GRIK3: variants seen among roughly 807,000 people sequenced by gnomAD.
GRIK3 encodes glutamate ionotropic receptor kainate type subunit 3, also known as glutamate receptor ionotropic, kainate 3.
GRIK3 carries 29 observed loss-of-function variants against 102.5 expected under a neutral mutation model. The observed-to-expected ratio is 0.28, with a 90% CI of 0.21 to 0.39. GRIK3 has a LOEUF of 0.39. Ranked by LOEUF, GRIK3 falls within the 10% of genes least tolerant of loss-of-function variation. GRIK3 has a pLI of 1.00. For synonymous variants in GRIK3, 511 were observed against 504.9 expected, an observed-to-expected ratio of 1.01 and a Z score of -0.16; for missense variants, 908 against 1,252.4, an observed-to-expected ratio of 0.73 and a Z score of 4.15.
intron 1 of GRIK3, among the ~76,000 whole-genome samples, chr1:36,895,433 G>GA (rs60805545): frequency 0.034 from 5,003 of 146,610 alleles, 217 homozygotes; most frequent in East Asian, 0.11. Context: ...GGAATTCTAA[G>GA]AAAAAAAAAA....
rs1049097741 is a variant in GRIK3, at chr1:36,904,788, G to T, written c.116-13692C>A. Among the ~76,000 whole-genome samples the T allele has an allele frequency of 2.0e-5, 3 of 152,106 alleles. No homozygotes were observed. The East Asian group carries it at 5.8e-4, about 29-fold the overall frequency. Reference sequence around the variant, plus strand: ...AGTGGGTACAGATGGGGCAGAAGAGGCCATGGGTTTTGCTGGGGCCAGATG... The same window carrying T: ...AGTGGGTACAGATGGGGCAGAAGAGTCCATGGGTTTTGCTGGGGCCAGATG... On this transcript the variant is annotated intron_variant, in intron 1 of 15. Coordinates refer to ENST00000373091, the MANE Select transcript of GRIK3 (RefSeq NM_000831.4).
chr1:36,915,485 G>C (rs1467794810), intron 1 of GRIK3, among the ~76,000 whole-genome samples: 2 of 152,200 alleles, frequency 1.3e-5, no homozygotes, highest in East Asian at 3.8e-4. Context: ...TCCGGGGTGG[G>C]AACAAGTGGA....
At chr1:36,912,384 T>C (rs1420868449) in intron 1 of GRIK3, among the ~76,000 whole-genome samples, 1 of 152,024 alleles carries the variant, frequency 6.6e-6, no homozygotes, top group Non-Finnish European at 1.5e-5. Flanking sequence ...GGGATGCAGA[T>C]TCTATGCAGT....
chr1:36,994,188 C>T (rs747311360), intron 1 of GRIK3, among the ~76,000 whole-genome samples: 7 of 152,152 alleles, frequency 4.6e-5, no homozygotes, highest in South Asian at 2.1e-4. Context: ...ATTCTCAGTT[C>T]GGTGACCTAA....
At chr1:36,975,326 T>C (rs1374815077) in intron 1 of GRIK3, among the ~76,000 whole-genome samples, 1 of 132,522 alleles carries the variant, frequency 7.5e-6, no homozygotes, top group East Asian at 2.0e-4. Context: ...AGTCTTGCTC[T>C]GTCGCCCAGG....
At chr1:36,989,510 C>T (rs1315680362) in intron 1 of GRIK3, among the ~76,000 whole-genome samples, 3 of 152,218 alleles carry the variant, frequency 2.0e-5, no homozygotes, top group East Asian at 1.9e-4. Context: ...CCCTGATTGC[C>T]GCCAAGCGCT....
rs555936409 is a variant in GRIK3 at position 36,879,969 on chromosome 1, G to A, written c.550+665C>T. Among the ~76,000 whole-genome samples, 5 of 152,334 alleles carry A rather than the reference G, an allele frequency of 3.3e-5. No individual in the cohort carries two copies. The South Asian group carries it at 8.3e-4, about 25-fold the overall frequency. On this transcript the variant is annotated intron_variant, in intron 3 of 15. Coordinates refer to ENST00000373091, the MANE Select transcript of GRIK3 (RefSeq NM_000831.4). Reference sequence around the variant, plus strand: ...GTGCGAGCAGAGCTGGGCACGTGCAGGTGTCTGTGTGTGAGTGTGGGTAGA... The same window carrying A: ...GTGCGAGCAGAGCTGGGCACGTGCAAGTGTCTGTGTGTGAGTGTGGGTAGA...
At chr1:36,858,324 A>G (rs766114518) in intron 7 of GRIK3, among the ~76,000 whole-genome samples, 1 of 152,228 alleles carries the variant, frequency 6.6e-6, no homozygotes, top group African/African-American at 2.4e-5. Context: ...AGCTCACCCA[A>G]AGTCACATAG....
At chr1:36,919,375 T>TTTTATTTA (rs1557426743) in intron 1 of GRIK3, among the ~76,000 whole-genome samples, 3 of 149,388 alleles carry the variant, frequency 2.0e-5, no homozygotes, top group Non-Finnish European at 4.4e-5. Context: ...TTTTATTTTA[T>TTTTATTTA]TTATTATTAT....
intron 1 of GRIK3, among the ~76,000 whole-genome samples, chr1:36,989,362 A>G (rs1323581333): frequency 6.6e-6 from 1 of 152,206 alleles, no homozygotes; most frequent in African/African-American, 2.4e-5. Context: ...TCGCCTGCAC[A>G]GCTCCAGCTG....
chr1:36,802,375 G>T (rs559692616), intron 15 of GRIK3, among the ~76,000 whole-genome samples: 1 of 152,150 alleles, frequency 6.6e-6, no homozygotes, highest in Non-Finnish European at 1.5e-5. Context: ...CACTAGACTC[G>T]GAGGGCAGGA....
At chr1:36,830,978 C>T (rs1380814754) in intron 10 of GRIK3, among the ~76,000 whole-genome samples, 1 of 152,176 alleles carries the variant, frequency 6.6e-6, no homozygotes. Context: ...GGTTCTCCTT[C>T]AGAGCCTCCA....
Position 36,825,597 on chromosome 1 carries a change from C to T in GRIK3, c.1754+6G>A, listed in dbSNP as rs1250609201. The T allele has an allele frequency of 6.4e-7, 1 of 1,555,632 alleles. No homozygotes were observed. Among genetic ancestry groups the T allele is most frequent in the Admixed American group, 1.9e-5 (1 of 54,036 alleles). Reference sequence around the variant, plus strand: ...GGCCCGATGTCTGGCCAAGGAATTGCCTTACCTGGCGATGACGAAGAGGAC... The same window carrying T: ...GGCCCGATGTCTGGCCAAGGAATTGTCTTACCTGGCGATGACGAAGAGGAC... On this transcript the variant is annotated splice_donor_region_variant and intron_variant, in intron 11 of 15. Transcript: ENST00000373091.
intron 1 of GRIK3, among the ~76,000 whole-genome samples, chr1:37,030,035 G>A (rs1247161068): frequency 6.6e-6 from 1 of 152,214 alleles, no homozygotes; most frequent in Non-Finnish European, 1.5e-5. Flanking sequence ...TGCGAGGCAG[G>A]CATCAGGAAG....
At position 36,805,021 on chromosome 1, in the gene GRIK3, A is replaced by G; in HGVS notation, c.2531T>C (p.Val844Ala). The change falls in exon 15 of 16, where the codon GTG (valine) becomes GCG (alanine). Residue 844 changes from valine (V) to alanine (A), a missense_variant. Val to Ala is a moderately conservative substitution (Grantham distance 64, BLOSUM62 0). Around this residue, in one of 3 missense-constraint regions of GRIK3, gnomAD observed 297 missense variants for 362.7 expected, o/e 0.82. Transcript: ENST00000373091. Reference protein sequence around the residue: ...LSVLVAVGEFVYKLRKTAERE... With the variant: ...LSVLVAVGEFAYKLRKTAERE... ...CTCTGCTGTTTTGCGGAGCTTGTAC[A>G]CAAACTCGCCCACGGCCACCAGCAC... 1 of 1,614,160 alleles carries G rather than the reference A, an allele frequency of 6.2e-7. No homozygotes were observed. The highest frequency in any genetic ancestry group is 8.5e-7 in the Non-Finnish European group (1 of 1,180,008).
chr1:37,033,630 C>T (rs144640827), intron 1 of GRIK3, among the ~76,000 whole-genome samples: 2 of 152,326 alleles, frequency 1.3e-5, no homozygotes, highest in African/African-American at 4.8e-5. Context: ...AGGGTCCCCA[C>T]TCTGCGGAGA....
At chr1:36,910,170 C>T (rs945900005) in intron 1 of GRIK3, among the ~76,000 whole-genome samples, 1 of 152,222 alleles carries the variant, frequency 6.6e-6, no homozygotes, top group Non-Finnish European at 1.5e-5. Context: ...GAGACTCAGG[C>T]AGGACTTAAG....
At chr1:36,997,521 C>A (rs1642433305) in intron 1 of GRIK3, among the ~76,000 whole-genome samples, 1 of 152,180 alleles carries the variant, frequency 6.6e-6, no homozygotes, top group South Asian at 2.1e-4. Flanking sequence ...GGCAGGGGGG[C>A]ACGCGAGCTC....
intron 1 of GRIK3, among the ~76,000 whole-genome samples, chr1:37,000,621 A>G (rs1337270495): frequency 1.3e-5 from 2 of 152,222 alleles, no homozygotes; most frequent in African/African-American, 4.8e-5. Context: ...ACAAGGCAAT[A>G]AACTCTATTT....
Sources: gnomAD v4.1 joint callset for allele counts (sites outside exome capture counted in the v4.1 genomes callset) on GRCh38, gnomAD v4.1.1 for gene constraint, gnomAD v4.1.1 regional missense constraint, MANE v1.5 for transcripts, NCBI Gene and HGNC (gene_info 2026-07-23, HGNC 2026-07-21) for gene names.